The following CMPK1 variants were observed in gnomAD, a reference collection of about 807,000 sequenced individuals.
CMPK1 encodes the protein cytidine/uridine monophosphate kinase 1, also known as UMP-CMP kinase.
A neutral mutation model predicts 25.7 loss-of-function variants in CMPK1; 10 were observed. That is an observed-to-expected ratio of 0.39 (90% CI 0.24 to 0.66). The LOEUF is 0.66. Ranked by LOEUF, CMPK1 falls within the 30% of genes least tolerant of loss-of-function variation. CMPK1 has a pLI of 0.48. For missense variants in CMPK1, 199 were observed against 280.5 expected (o/e 0.71, Z 2.08); for synonymous variants, 106 against 101.5 (o/e 1.04, Z -0.27).
intron 1 of CMPK1, among the ~76,000 whole-genome samples, chr1:47,344,214 G>A (rs1646465896): frequency 6.6e-6 from 1 of 152,154 alleles, no homozygotes; most frequent in African/African-American, 2.4e-5. Context: ...GACGTTTAGG[G>A]AAGGGACATC....
intron 1 of CMPK1, among the ~76,000 whole-genome samples, chr1:47,354,057 G>A (rs1279837527): frequency 6.6e-6 from 1 of 152,120 alleles, no homozygotes; most frequent in East Asian, 1.9e-4. Flanking sequence ...GGGCATGGTG[G>A]CTCAGTCTTG....
chr1:47,347,972 G>A (rs753841776), intron 1 of CMPK1, among the ~76,000 whole-genome samples: 4 of 152,164 alleles, frequency 2.6e-5, no homozygotes, highest in Non-Finnish European at 5.9e-5. Context: ...TGTTCACTTA[G>A]TGTCACATTG....
chr1:47,335,520 C>G (rs1208262454), intron 1 of CMPK1, among the ~76,000 whole-genome samples: 5 of 151,446 alleles, frequency 3.3e-5, no homozygotes, highest in African/African-American at 1.2e-4. Flanking sequence ...GCCTGTAATC[C>G]CAGCTACTCC....
chr1:47,361,903 T>C (rs1044917037), intron 1 of CMPK1, among the ~76,000 whole-genome samples: 6 of 146,706 alleles, frequency 4.1e-5, no homozygotes, highest in African/African-American at 1.5e-4. Flanking sequence ...GGAGTTTTGC[T>C]CTTATTGCCC....
rs1166992021 is a variant in CMPK1 at position 47,378,016 on chromosome 1, T to C, written c.*1271T>C. The C allele has an allele frequency of 6.6e-6, 1 of 152,220 alleles. No individual in the cohort carries two copies. Among genetic ancestry groups the C allele is most frequent in the Non-Finnish European group, 1.5e-5 (1 of 68,020 alleles). The allele number at this position is 152,220 out of a possible 1,614,324, so 9.4% of individuals were successfully genotyped here. On this transcript the variant is annotated 3_prime_UTR_variant, in exon 6 of 6. Transcript: ENST00000371873. Reference sequence around the variant, plus strand: ...GAGATTTAAAATCTTAAAATGTTTCTTATTTTCAGCACTTACATCATTTGG... The same window carrying C: ...GAGATTTAAAATCTTAAAATGTTTCCTATTTTCAGCACTTACATCATTTGG...
intron 1 of CMPK1, among the ~76,000 whole-genome samples, chr1:47,347,096 T>C (rs185208605): frequency 3.4e-4 from 51 of 152,152 alleles, no homozygotes; most frequent in South Asian, 8.3e-4. Context: ...TTTATTTTTT[T>C]ATTTTCTTTC....
chr1:47,376,925 A>G lies in CMPK1; in HGVS notation c.*180A>G. 2.3e-6 allele frequency: 1 copy of G among 441,440 alleles called. No individual in the cohort carries two copies. Among genetic ancestry groups the G allele is most frequent in the African/African-American group, 2.0e-5 (1 of 49,482 alleles). The allele number at this position is 441,440 out of a possible 1,614,324, so 27.3% of individuals were successfully genotyped here. Reference sequence around the variant, plus strand: ...CTTTTTTTTGGTCACAGGAGTAGACAGTGAATTCAGGTTTAACTTCACCTT... The same window carrying G: ...CTTTTTTTTGGTCACAGGAGTAGACGGTGAATTCAGGTTTAACTTCACCTT... On this transcript the variant is annotated 3_prime_UTR_variant, in exon 6 of 6. Transcript: ENST00000371873.
intron 1 of CMPK1, among the ~76,000 whole-genome samples, chr1:47,365,209 C>T (rs1199767440): frequency 6.6e-6 from 1 of 151,562 alleles, no homozygotes; most frequent in Non-Finnish European, 1.5e-5. Context: ...AAGTGCCTGG[C>T]ATCTGGATCT....
In CMPK1 at chr1:47,376,827, C is replaced by A; in HGVS notation, c.*82C>A. 4 of 768,128 alleles carry A rather than the reference C, an allele frequency of 5.2e-6. No homozygotes were observed. Among genetic ancestry groups the A allele is most frequent in the South Asian group, 3.3e-5 (2 of 60,334 alleles). The allele number at this position is 768,128 out of a possible 1,614,324, so 47.6% of individuals were successfully genotyped here. A position where few individuals can be genotyped will look rare whatever the true frequency, so the allele number is the denominator to read the frequency against. ...ATCATGACCCCTTTTTAAGGCAATTCTAATCTTTCATAACTACATCTCAAT... is the reference window on the plus strand; with the variant it reads ...ATCATGACCCCTTTTTAAGGCAATTATAATCTTTCATAACTACATCTCAAT... On this transcript the variant is annotated 3_prime_UTR_variant, in exon 6 of 6. Transcript: ENST00000371873.
intron 2 of CMPK1, among the ~76,000 whole-genome samples, chr1:47,369,622 C>T (rs559475157): frequency 1.1e-4 from 17 of 151,384 alleles, no homozygotes; most frequent in Admixed American, 4.6e-4. Context: ...AGTGTAGTGG[C>T]GCGATCTCGG....
intron 3 of CMPK1, among the ~76,000 whole-genome samples, chr1:47,374,074 A>AT (rs1192776912): frequency 1.3e-5 from 2 of 151,760 alleles, no homozygotes; most frequent in Non-Finnish European, 2.9e-5. Flanking sequence ...ATTTTATTTT[A>AT]TTTTTTTGAG....
intron 1 of CMPK1, 48 bp downstream of exon 1, chr1:47,334,164 G>C (rs1216737967): frequency 7.2e-7 from 1 of 1,382,392 alleles, no homozygotes; most frequent in Admixed American, 2.6e-5. Context: ...ACGGGATGCG[G>C]GCCGGCCTGT....
intron 1 of CMPK1, among the ~76,000 whole-genome samples, chr1:47,348,683 A>G (rs968920860): frequency 2.0e-5 from 3 of 152,214 alleles, no homozygotes; most frequent in Admixed American, 6.5e-5. Flanking sequence ...TCAACAAGCA[A>G]TTGAATATGC....
intron 1 of CMPK1, among the ~76,000 whole-genome samples, chr1:47,362,694 A>G (rs1373269253): frequency 6.6e-6 from 1 of 152,226 alleles, no homozygotes; most frequent in African/African-American, 2.4e-5. Context: ...AAAGCTTTCT[A>G]CTTAAGAAAA....
At chr1:47,340,148 C>A (rs189511463) in intron 1 of CMPK1, among the ~76,000 whole-genome samples, 140 of 150,604 alleles carry the variant, frequency 9.3e-4, no homozygotes, top group African/African-American at 3.2e-3. Context: ...GTGGCACAAT[C>A]GTGGCTCATT....
chr1:47,339,770 T>C (rs935746851), intron 1 of CMPK1, among the ~76,000 whole-genome samples: 1 of 145,690 alleles, frequency 6.9e-6, no homozygotes, highest in Non-Finnish European at 1.5e-5. Flanking sequence ...TGCAGTGGCA[T>C]GATCTCGGCT....
chr1:47,358,744 T>C lies in CMPK1; in HGVS notation c.172-9725T>C. The stretch of plus-strand genomic sequence containing the variant: ...GTGTTTCTCCAAATTTATTTCCCCA[T>C]TAGTTTGATAATTTTGCAAATGCTC... On this transcript the variant is annotated intron_variant, in intron 1 of 5. Coordinates refer to ENST00000371873, the MANE Select transcript of CMPK1 (RefSeq NM_016308.3). The C allele has an allele frequency of 6.1e-6, 6 of 984,750 alleles. 1 individual carries two copies. In the South Asian group the frequency reaches 2.4e-4, roughly 39 times the overall value. The allele number at this position is 984,750 out of a possible 1,614,324, so 61.0% of individuals were successfully genotyped here.
At chr1:47,376,426 C>G (rs1226474203) in intron 5 of CMPK1, among the ~76,000 whole-genome samples, 1 of 152,032 alleles carries the variant, frequency 6.6e-6, no homozygotes, top group African/African-American at 2.4e-5. Context: ...AGTAATTCTC[C>G]TGCCTCAGCC....
intron 1 of CMPK1, among the ~76,000 whole-genome samples, chr1:47,361,030 T>C (rs941614182): frequency 9.3e-5 from 6 of 64,430 alleles, no homozygotes; most frequent in African/African-American, 9.4e-5. Context: ...ATTGGGCACA[T>C]GTGCAATGGG....
Sources: gnomAD v4.1 joint callset for allele counts (sites outside exome capture counted in the v4.1 genomes callset) on GRCh38, gnomAD v4.1.1 for gene constraint, MANE v1.5 for transcripts, NCBI Gene and HGNC (gene_info 2026-07-23, HGNC 2026-07-21) for gene names.